The following CNOT10 variants were observed in gnomAD, a reference collection of about 807,000 sequenced individuals.
CNOT10 encodes CCR4-NOT transcription complex subunit 10.
In CNOT10, 30 loss-of-function variants were observed where a neutral mutation model predicts 94.6. The ratio of observed to expected loss-of-function variants is 0.32; its 90% CI spans 0.24 to 0.43. The LOEUF is 0.43. Among genes scored for constraint, CNOT10 ranks in the 20% least tolerant of loss-of-function variants. The pLI, the probability that CNOT10 is intolerant of heterozygous loss-of-function variation, is 1.00. For synonymous variants in CNOT10, 289 were observed against 301.6 expected, an observed-to-expected ratio of 0.96 and a Z score of 0.43; for missense variants, 759 against 877.2, an observed-to-expected ratio of 0.87 and a Z score of 1.70.
chr3:32,773,367 T>C lies in CNOT10; in HGVS notation c.2081-90T>C, dbSNP rs558153882. On this transcript the variant is annotated intron_variant, in intron 18 of 18. Coordinates refer to ENST00000328834, the MANE Select transcript of CNOT10 (RefSeq NM_015442.3). ...CAGATGACAGCTCTTCTAGATCATCTTTTACCTCCCCAGCAGGATTTTCAT... is the reference window on the plus strand; with the variant it reads ...CAGATGACAGCTCTTCTAGATCATCCTTTACCTCCCCAGCAGGATTTTCAT... 42 of 1,362,792 alleles carry C rather than the reference T, an allele frequency of 3.1e-5. 1 individual carries two copies. The South Asian group carries it at 6.0e-4, about 20-fold the overall frequency. 84.4% of individuals were successfully genotyped at this position (1,362,792 alleles called of 1,614,324 possible). A position where few individuals can be genotyped will look rare whatever the true frequency, so the allele number is the denominator to read the frequency against.
chr3:32,693,983 A>AT (rs1200456528), intron 1 of CNOT10, among the ~76,000 whole-genome samples: 1 of 151,944 alleles, frequency 6.6e-6, no homozygotes, highest in Non-Finnish European at 1.5e-5. Flanking sequence ...TATAAGTTTA[A>AT]TTTTTTAGGT....
chr3:32,754,518 C>CTT lies in CNOT10; in HGVS notation c.1596-4922_1596-4921dup, dbSNP rs752732319. The stretch of plus-strand genomic sequence containing the variant: ...CATATATATATATATATTTATTTTA[C>CTT]TTTTTTTTTTTTTTTTTTTGAGACG... On this transcript the variant is annotated intron_variant, in intron 13 of 18. Transcript: ENST00000328834. Among the ~76,000 whole-genome samples the CTT allele has an allele frequency of 2.0e-3, 124 of 62,006 alleles. 2 individuals are homozygous for CTT. The highest frequency in any genetic ancestry group is 7.9e-3 in the East Asian group (11 of 1,394). 40.7% of individuals were successfully genotyped at this position (62,006 alleles called of 152,430 possible).
intron 13 of CNOT10, among the ~76,000 whole-genome samples, chr3:32,756,825 C>T (rs564838507): frequency 6.6e-6 from 1 of 152,164 alleles, no homozygotes; most frequent in East Asian, 1.9e-4. Context: ...AAATGGATAT[C>T]GGGCCGGGTG....
At chr3:32,749,562 C>T (rs1005999155) in intron 13 of CNOT10, among the ~76,000 whole-genome samples, 4 of 152,040 alleles carry the variant, frequency 2.6e-5, no homozygotes, top group Non-Finnish European at 5.9e-5. Flanking sequence ...AGGAATGTGC[C>T]ACCACACCTG....
intron 11 of CNOT10, among the ~76,000 whole-genome samples, chr3:32,734,535 A>G (rs1339042168): frequency 2.0e-5 from 3 of 152,186 alleles, no homozygotes; most frequent in Non-Finnish European, 4.4e-5. Context: ...TGTGATATAC[A>G]TCAAATTATC....
At chr3:32,754,739 C>G (rs1700147054) in intron 13 of CNOT10, among the ~76,000 whole-genome samples, 1 of 148,268 alleles carries the variant, frequency 6.7e-6, no homozygotes, top group South Asian at 2.2e-4. Flanking sequence ...TCAGGCTGGT[C>G]TCAAACTCCT....
chr3:32,771,091 C>G (rs753198780), intron 18 of CNOT10, among the ~76,000 whole-genome samples: 1 of 152,024 alleles, frequency 6.6e-6, no homozygotes, highest in African/African-American at 2.4e-5. Context: ...CTTTGGGAGG[C>G]TGAGGTGGGC....
chr3:32,689,031 C>T (rs779135642), intron 1 of CNOT10, among the ~76,000 whole-genome samples: 5 of 151,898 alleles, frequency 3.3e-5, no homozygotes, highest in Non-Finnish European at 7.4e-5. Context: ...AGTGATACCC[C>T]GTCTCTACTA....
At chr3:32,697,217 T>C (rs1417928064) in intron 1 of CNOT10, among the ~76,000 whole-genome samples, 1 of 152,182 alleles carries the variant, frequency 6.6e-6, no homozygotes, top group Non-Finnish European at 1.5e-5. Flanking sequence ...CCCAAAGTGC[T>C]GAGATTATAG....
At chr3:32,748,078 A>G (rs1027384909) in intron 13 of CNOT10, among the ~76,000 whole-genome samples, 1 of 152,186 alleles carries the variant, frequency 6.6e-6, no homozygotes, top group African/African-American at 2.4e-5. Context: ...GGCTGAAGTG[A>G]AACTCCTAGG....
intron 7 of CNOT10, 121 bp from the exon 8 acceptor site, chr3:32,719,993 T>G: frequency 2.0e-6 from 1 of 488,978 alleles, no homozygotes; most frequent in Admixed American, 3.3e-5. Context: ...TATATAATTT[T>G]TTGTGACTGA....
chr3:32,685,605 T>C, intron 1 of CNOT10, 123 bp downstream of exon 1: 1 of 1,049,128 alleles, frequency 9.5e-7, no homozygotes, highest in South Asian at 1.4e-5. Flanking sequence ...GGCGTGCATT[T>C]CTTTACCCCA....
chr3:32,716,128 T>G, intron 5 of CNOT10, 97 bp from the exon 6 acceptor site: 1 of 595,648 alleles, frequency 1.7e-6, no homozygotes, highest in East Asian at 3.0e-5. Context: ...TTGAAAATGC[T>G]CTCTAGGTAA....
At chr3:32,710,868 G>A (rs542756833) in intron 4 of CNOT10, among the ~76,000 whole-genome samples, 2 of 152,160 alleles carry the variant, frequency 1.3e-5, no homozygotes, top group South Asian at 2.1e-4. Flanking sequence ...TTACAGTCAC[G>A]CGCCACCACA....
rs1248217921 is a variant in CNOT10 at position 32,759,591 on chromosome 3, T to G, written c.1709+20T>G. The stretch of plus-strand genomic sequence containing the variant: ...TCTTAAGTAAGTGTGACTTGCCCTG[T>G]GTGTCCCTGGTTTCTTTAGTTTTGA... On this transcript the variant is annotated intron_variant, in intron 14 of 18. Coordinates refer to ENST00000328834, the MANE Select transcript of CNOT10 (RefSeq NM_015442.3). 1 of 1,552,074 alleles carries G rather than the reference T, an allele frequency of 6.4e-7. No individual in the cohort carries two copies. The highest frequency in any genetic ancestry group is 8.9e-7 in the Non-Finnish European group (1 of 1,124,818).
At chr3:32,717,060 T>C in intron 6 of CNOT10, 94 bp from the exon 7 acceptor site, 3 of 646,980 alleles carry the variant, frequency 4.6e-6, no homozygotes, top group Non-Finnish European at 8.0e-6. Flanking sequence ...TTAGTGTAAC[T>C]ATGTTGTAAA....
chr3:32,754,161 C>G (rs1700092217), intron 13 of CNOT10, among the ~76,000 whole-genome samples: 1 of 151,788 alleles, frequency 6.6e-6, no homozygotes, highest in Non-Finnish European at 1.5e-5. Flanking sequence ...GACAAATTGG[C>G]ATTAATATTT....
chr3:32,735,012 C>A (rs774471796), intron 12 of CNOT10, 36 bp downstream of exon 12: 4 of 1,542,716 alleles, frequency 2.6e-6, no homozygotes, highest in South Asian at 1.2e-5. Flanking sequence ...TGGCAAAATC[C>A]TTTCAGGACT....
chr3:32,762,426 C>G (rs940586243), intron 14 of CNOT10, among the ~76,000 whole-genome samples: 8 of 151,856 alleles, frequency 5.3e-5, no homozygotes, highest in African/African-American at 1.9e-4. Flanking sequence ...TATGCCACCA[C>G]GCCCAGCTAA....
Sources: allele counts gnomAD v4.1 joint callset (sites outside exome capture counted in the v4.1 genomes callset), GRCh38; gene constraint gnomAD v4.1.1; transcripts MANE v1.5; gene names NCBI Gene and HGNC (gene_info 2026-07-23, HGNC 2026-07-21).